Variants in CELF2 observed in about 807,000 individuals in gnomAD.
CELF2 encodes the protein CUGBP Elav-like family member 2.
Under a neutral mutation model 62.6 loss-of-function variants are expected in CELF2, and 8 were observed. The ratio of observed to expected loss-of-function variants is 0.13; its 90% CI spans 0.07 to 0.23. CELF2 has a LOEUF of 0.23. Ranked by LOEUF, CELF2 falls within the 10% of genes least tolerant of loss-of-function variation. The probability of loss-of-function intolerance (pLI) is 1.00; values close to 1 mark genes in which losing one functional copy is unlikely to be tolerated. For synonymous variants in CELF2, 258 were observed against 250.0 expected, an observed-to-expected ratio of 1.03 and a Z score of -0.30; for missense variants, 333 against 671.0, an observed-to-expected ratio of 0.50 and a Z score of 5.56.
At chr10:10,801,620 A>G (rs965888373) in intron 1 of CELF2, among the ~76,000 whole-genome samples, 6 of 152,222 alleles carry the variant, frequency 3.9e-5, no homozygotes, top group Admixed American at 1.3e-4. Flanking sequence ...TGGTAAAGAG[A>G]AAGAGCAGTT....
At chr10:10,832,808 T>C (rs1307107411) in intron 1 of CELF2, among the ~76,000 whole-genome samples, 1 of 152,168 alleles carries the variant, frequency 6.6e-6, no homozygotes, top group Non-Finnish European at 1.5e-5. Flanking sequence ...ATGCATTCAT[T>C]ACACTGGAAT....
At chr10:11,312,079 C>CA (rs1405882324) in intron 9 of CELF2, among the ~76,000 whole-genome samples, 1 of 152,130 alleles carries the variant, frequency 6.6e-6, no homozygotes, top group African/African-American at 2.4e-5. Context: ...CCAAGAAACA[C>CA]AAACATCTCA....
At chr10:10,573,454 T>G in the CELF2 span, among the ~76,000 whole-genome samples, 1 of 152,162 alleles carries the variant, frequency 6.6e-6, no homozygotes, top group Non-Finnish European at 1.5e-5. Context: ...TTGACTGCAA[T>G]GACTTTCAAT....
chr10:10,837,358 G>T (rs1001594334), intron 1 of CELF2, among the ~76,000 whole-genome samples: 1 of 152,136 alleles, frequency 6.6e-6, no homozygotes, highest in African/African-American at 2.4e-5. Context: ...GCATGATTGT[G>T]AGCCCTCCCC....
intron 4 of CELF2, among the ~76,000 whole-genome samples, chr10:11,252,368 G>C (rs898227437): frequency 6.6e-6 from 1 of 152,180 alleles, no homozygotes; most frequent in Non-Finnish European, 1.5e-5. Flanking sequence ...TGACATTTAT[G>C]GATAGCACAA....
the CELF2 span, among the ~76,000 whole-genome samples, chr10:10,643,444 T>C: frequency 6.6e-6 from 1 of 152,168 alleles, no homozygotes; most frequent in Admixed American, 6.5e-5. Flanking sequence ...TGCTCCACCT[T>C]TGCCTTCTAC....
At chr10:10,959,235 C>T (rs757092528) in intron 2 of CELF2, among the ~76,000 whole-genome samples, 1 of 152,124 alleles carries the variant, frequency 6.6e-6, no homozygotes, top group African/African-American at 2.4e-5. Context: ...GAGGTGACAT[C>T]GCGCCACTGC....
rs2064531452 is a variant in CELF2 at position 11,220,495 on chromosome 10, AC to A, written c.354+2991del. On this transcript the variant is annotated intron_variant, in intron 3 of 12. Coordinates refer to ENST00000633077, the MANE Select transcript of CELF2 (RefSeq NM_001326342.2). This position sits in a 1 kb window ranked among gnomAD's most constrained non-coding sequence, Gnocchi z 4.4. ...TACATGTCAGGAATGAATTTTAGAA[AC>A]CCTTTACATGGGGCTGGAGAAACGA... Among the ~76,000 whole-genome samples the A allele has an allele frequency of 1.3e-5, 2 of 152,190 alleles. No individual in the cohort carries two copies. Among genetic ancestry groups the A allele is most frequent in the East Asian group, 1.9e-4 (1 of 5,182 alleles).
At chr10:10,843,767 G>A (rs951450581) in intron 1 of CELF2, among the ~76,000 whole-genome samples, 3 of 151,936 alleles carry the variant, frequency 2.0e-5, no homozygotes, top group Non-Finnish European at 4.4e-5. Context: ...AAGCAGTGAC[G>A]ACATTTTGAC....
intron 2 of CELF2, among the ~76,000 whole-genome samples, chr10:10,924,213 C>G (rs11256918): frequency 7.9e-6 from 1 of 125,804 alleles, no homozygotes; most frequent in African/African-American, 3.0e-5. Context: ...ACCCGGGAGG[C>G]GGAGCTTGCA....
chr10:11,243,297 C>G lies in CELF2; in HGVS notation c.355-5856C>G. Among the ~76,000 whole-genome samples, 1 of 148,292 alleles carries G rather than the reference C, an allele frequency of 6.7e-6. No homozygotes were observed. The highest frequency in any genetic ancestry group is 1.5e-5 in the Non-Finnish European group (1 of 67,472). On this transcript the variant is annotated intron_variant, in intron 3 of 12. Coordinates refer to ENST00000633077, the MANE Select transcript of CELF2 (RefSeq NM_001326342.2). This position sits in a 1 kb window ranked among gnomAD's most constrained non-coding sequence, Gnocchi z 4.1. The stretch of plus-strand genomic sequence containing the variant: ...TTCACTGGTTTTTAAACAAATAGGG[C>G]TAAATAGAGACCAAGAAGTTAACCA...
At chr10:11,069,869 G>A (rs978050938) in intron 1 of CELF2, among the ~76,000 whole-genome samples, 3 of 152,228 alleles carry the variant, frequency 2.0e-5, no homozygotes, top group African/African-American at 7.2e-5. Flanking sequence ...AAGTAATGAT[G>A]AGCTAGAACC....
chr10:10,593,703 T>C, the CELF2 span, among the ~76,000 whole-genome samples: 2 of 152,202 alleles, frequency 1.3e-5, no homozygotes, highest in Admixed American at 6.5e-5. Flanking sequence ...CAGGAAGATT[T>C]GTATTTTAAA....
At position 11,177,851 on chromosome 10, in the gene CELF2, A is replaced by G. The variant is rs887187450; in HGVS notation, c.271+12169A>G. ...TTCCCAAAGCATTCTCCCTAACCCC[A>G]TGGTGGAGGCTGCGGAGAGTGTTGT... On this transcript the variant is annotated intron_variant, in intron 2 of 12. Transcript: ENST00000633077. This position sits in a 1 kb window ranked among gnomAD's most constrained non-coding sequence, Gnocchi z 4.8. Among the ~76,000 whole-genome samples, 1 of 152,064 alleles carries G rather than the reference A, an allele frequency of 6.6e-6. No individual in the cohort carries two copies. Among genetic ancestry groups the G allele is most frequent in the East Asian group, 1.9e-4 (1 of 5,192 alleles).
chr10:10,684,478 C>A, the CELF2 span, among the ~76,000 whole-genome samples: 1 of 152,276 alleles, frequency 6.6e-6, no homozygotes, highest in Admixed American at 6.5e-5. Context: ...CACAGTGGCT[C>A]ACGCCTGTAA....
At chr10:10,635,945 A>G in the CELF2 span, among the ~76,000 whole-genome samples, 1 of 152,222 alleles carries the variant, frequency 6.6e-6, no homozygotes, top group Admixed American at 6.5e-5. Context: ...ACCCATTTAC[A>G]AAAGTCTTTC....
At chr10:10,852,454 T>C (rs1350971852) in intron 1 of CELF2, among the ~76,000 whole-genome samples, 1 of 152,142 alleles carries the variant, frequency 6.6e-6, no homozygotes, top group Non-Finnish European at 1.5e-5. Context: ...GGAAGGGGCA[T>C]GGGAGAAAGG....
At chr10:10,633,366 C>G in the CELF2 span, among the ~76,000 whole-genome samples, 2 of 152,160 alleles carry the variant, frequency 1.3e-5, no homozygotes, top group Non-Finnish European at 2.9e-5. Context: ...GTTCTGATCT[C>G]TGCTAGTCTC....
At chr10:10,565,802 T>C in the CELF2 span, among the ~76,000 whole-genome samples, 2 of 152,240 alleles carry the variant, frequency 1.3e-5, no homozygotes, top group Non-Finnish European at 2.9e-5. Flanking sequence ...ATTAGCTTCA[T>C]ATTAAGGTAA....
Sources: gnomAD v4.1 joint callset for allele counts (sites outside exome capture counted in the v4.1 genomes callset) on GRCh38, gnomAD v4.1.1 for gene constraint, Gnocchi (gnomAD v3.1) non-coding constraint, MANE v1.5 for transcripts, NCBI Gene and HGNC (gene_info 2026-07-23, HGNC 2026-07-21) for gene names.